Variants in TXNRD1 observed in about 807,000 individuals in gnomAD.
TXNRD1 encodes the protein thioredoxin reductase 1.
TXNRD1 carries 57 observed loss-of-function variants against 80.3 expected under a neutral mutation model. That is an observed-to-expected ratio of 0.71 (90% CI 0.57 to 0.89). The LOEUF is 0.89. Among genes scored for constraint, TXNRD1 ranks in the 40% least tolerant of loss-of-function variants. The pLI is 0.00. For missense variants in TXNRD1, 730 were observed against 803.0 expected (o/e 0.91, Z 1.10); for synonymous variants, 291 against 285.2 (o/e 1.02, Z -0.20).
chr12:104,236,869 G>A (rs747917553), intron 1 of TXNRD1, among the ~76,000 whole-genome samples: 7 of 149,540 alleles, frequency 4.7e-5, no homozygotes, highest in Non-Finnish European at 1.0e-4. Context: ...TTCTCTTCTT[G>A]GATCTTGTTT....
chr12:104,237,206 G>A (rs964905808), intron 1 of TXNRD1, among the ~76,000 whole-genome samples: 2 of 152,158 alleles, frequency 1.3e-5, no homozygotes, highest in African/African-American at 2.4e-5. Context: ...CACATTGTGG[G>A]AGAGCTTTGG....
At chr12:104,335,868 G>T (rs186613056) in intron 15 of TXNRD1, among the ~76,000 whole-genome samples, 3 of 152,260 alleles carry the variant, frequency 2.0e-5, no homozygotes, top group South Asian at 2.1e-4. Flanking sequence ...ACAGTTACAG[G>T]TTGGTTTTTT....
chr12:104,319,636 T>G (rs2035459758), intron 9 of TXNRD1, 51 bp downstream of exon 9: 1 of 1,343,200 alleles, frequency 7.4e-7, no homozygotes, highest in South Asian at 1.3e-5. Flanking sequence ...GGATATTGCT[T>G]TCGCATTTTT....
chr12:104,343,526 G>C (rs369561676), intron 16 of TXNRD1, among the ~76,000 whole-genome samples: 2 of 152,246 alleles, frequency 1.3e-5, no homozygotes, highest in Non-Finnish European at 2.9e-5. Context: ...GAGGCCAGGC[G>C]TGGTGGCTCA....
chr12:104,315,723 T>A, intron 6 of TXNRD1, 54 bp from the exon 7 acceptor site: 1 of 1,560,436 alleles, frequency 6.4e-7, no homozygotes, highest in Non-Finnish European at 8.7e-7. Context: ...GTTCTTTGAA[T>A]GTTTGTAAGG....
intron 6 of TXNRD1, among the ~76,000 whole-genome samples, chr12:104,315,524 T>G (rs2035294129): frequency 6.6e-6 from 1 of 152,218 alleles, no homozygotes; most frequent in African/African-American, 2.4e-5. Context: ...ATTTTGTATC[T>G]TTGAAGTATA....
At chr12:104,322,374 CTTTTTTTTT>C (rs58288808) in intron 10 of TXNRD1, among the ~76,000 whole-genome samples, 1 of 61,544 alleles carries the variant, frequency 1.6e-5, no homozygotes, top group African/African-American at 7.2e-5. Flanking sequence ...TTATTTTTAC[CTTTTTTTTT>C]TTTTTTTTTT....
In TXNRD1 at chr12:104,304,543, A is replaced by C. The variant is rs371354192; in HGVS notation, c.415-6747A>C. The C allele has an allele frequency of 1.9e-6, 3 of 1,614,066 alleles. No individual in the cohort carries two copies. The South Asian group carries it at 3.3e-5, about 18-fold the overall frequency. Reference sequence around the variant, plus strand: ...TGGAAGAAAATGGCAACATGCCTACAAAGTTGCAGAAGTTGGACCTGAGTA... The same window carrying C: ...TGGAAGAAAATGGCAACATGCCTACCAAGTTGCAGAAGTTGGACCTGAGTA... On this transcript the variant is annotated intron_variant, in intron 4 of 16. Transcript: ENST00000525566.
At chr12:104,286,817 TA>T (rs2033981463) in intron 3 of TXNRD1, 1 of 1,049,090 alleles carries the variant, frequency 9.5e-7, no homozygotes, top group Admixed American at 5.0e-5. Context: ...GCTCTGTTCT[TA>T]GGTTGGGGGC....
intron 1 of TXNRD1, 130 bp downstream of exon 1, chr12:104,216,023 C>T (rs918253245): frequency 9.1e-6 from 7 of 767,902 alleles, no homozygotes; most frequent in Non-Finnish European, 1.4e-5. Flanking sequence ...ACTGACCGCG[C>T]GCCACGCTGG....
chr12:104,286,075 T>G (rs1228122223), intron 3 of TXNRD1: 3 of 152,176 alleles, frequency 2.0e-5, no homozygotes, highest in Non-Finnish European at 2.9e-5. Flanking sequence ...TGCCTGTTTG[T>G]TTAGAGGGAG....
At chr12:104,286,964 C>A (rs984911971) in intron 3 of TXNRD1, 1 of 1,227,698 alleles carries the variant, frequency 8.1e-7, no homozygotes, top group Non-Finnish European at 1.0e-6. Flanking sequence ...TTAGCCCGCC[C>A]GCTCGGCGCA....
In TXNRD1 at chr12:104,321,169, T is replaced by C; in HGVS notation, c.1068T>C (p.Ala356=). ...CATCCTATGTCGCTTTGGAGTGCGC[T>C]GGATTTCTTGCTGGTATTGGTTTAG... ...VGASYVALEC[A]GFLAGIGLDV... The change falls in exon 10 of 17, where the codon GCT becomes GCC. Residue 356 remains alanine, a synonymous_variant. Transcript: ENST00000525566. 1.2e-6 allele frequency: 2 copies of C among 1,613,782 alleles called. No homozygotes were observed. The highest frequency in any genetic ancestry group is 1.7e-6 in the Non-Finnish European group (2 of 1,179,868).
chr12:104,218,222 C>T (rs2032265187), intron 1 of TXNRD1, among the ~76,000 whole-genome samples: 1 of 152,048 alleles, frequency 6.6e-6, no homozygotes, highest in African/African-American at 2.4e-5. Context: ...GACGGGGTTT[C>T]ACCATGTTGG....
At chr12:104,303,652 G>A in intron 4 of TXNRD1, 1 of 430,372 alleles carries the variant, frequency 2.3e-6, no homozygotes, top group Non-Finnish European at 4.1e-6. Context: ...GAGCGCCTCG[G>A]CTTGTGGCTG....
intron 16 of TXNRD1, among the ~76,000 whole-genome samples, chr12:104,342,190 G>T (rs1036837452): frequency 6.6e-6 from 1 of 152,148 alleles, no homozygotes; most frequent in Non-Finnish European, 1.5e-5. Context: ...CTCCCCAGAT[G>T]TAGGGGACCA....
chr12:104,321,694 A>G (rs2035536971), intron 10 of TXNRD1, among the ~76,000 whole-genome samples: 1 of 152,242 alleles, frequency 6.6e-6, no homozygotes, highest in Non-Finnish European at 1.5e-5. Flanking sequence ...GGCTCCCCAC[A>G]GGACATTTCC....
At chr12:104,332,929 A>C (rs1341782364) in intron 14 of TXNRD1, among the ~76,000 whole-genome samples, 1 of 151,380 alleles carries the variant, frequency 6.6e-6, no homozygotes, top group Non-Finnish European at 1.5e-5. Context: ...TTTTATGTAT[A>C]TATATATGTG....
At chr12:104,260,173 A>G (rs1177798156) in intron 3 of TXNRD1, among the ~76,000 whole-genome samples, 1 of 151,540 alleles carries the variant, frequency 6.6e-6, no homozygotes, top group Non-Finnish European at 1.5e-5. Context: ...GTCTGTACTA[A>G]AAATACAAAA....
Sources: gnomAD v4.1 joint callset for allele counts (sites outside exome capture counted in the v4.1 genomes callset) on GRCh38, gnomAD v4.1.1 for gene constraint, MANE v1.5 for transcripts, NCBI Gene and HGNC (gene_info 2026-07-23, HGNC 2026-07-21) for gene names.